The following USP31 variants were observed in gnomAD, a reference collection of about 807,000 sequenced individuals.
USP31 encodes ubiquitin specific peptidase 31.
USP31 carries 44 observed loss-of-function variants against 119.4 expected under a neutral mutation model. The observed-to-expected ratio is 0.37, with a 90% CI of 0.29 to 0.47. The LOEUF (loss-of-function observed/expected upper bound fraction) is 0.47. USP31 is among the 20% of genes least tolerant of loss of function. USP31 has a pLI of 0.99. For missense variants in USP31, 1,643 were observed against 1,730.2 expected (o/e 0.95, Z 0.89); for synonymous variants, 749 against 705.6 (o/e 1.06, Z -0.97).
rs754161130 is a variant in USP31, at chr16:23,084,924, C to A, written c.1766G>T (p.Arg589Leu). Residue 589 changes from arginine (R) to leucine (L), a missense_variant, in exon 11 of 16, where the codon CGT becomes CTT. By Grantham distance (102) the Arg-to-Leu change is moderately radical. Transcript: ENST00000219689. ...AGTGCAGGTTTGAGGCTGATGATGA[C>A]GCTCCCTTTGCAGACGAACACTTTC... Reference protein sequence around the residue: ...DAESVRLQRERHHQPQTCTLS... With the variant: ...DAESVRLQRELHHQPQTCTLS... 3 of 1,614,074 alleles carry A rather than the reference C, an allele frequency of 1.9e-6. No individual in the cohort carries two copies. The East Asian group carries it at 6.7e-5, about 36-fold the overall frequency.
intron 9 of USP31, among the ~76,000 whole-genome samples, chr16:23,086,377 A>G (rs939878057): frequency 1.1e-4 from 17 of 151,902 alleles, no homozygotes; most frequent in African/African-American, 3.9e-4. Flanking sequence ...TTTCACATGT[A>G]TATTATATAT....
chr16:23,133,480 C>T (rs1392592524), intron 1 of USP31, among the ~76,000 whole-genome samples: 4 of 152,058 alleles, frequency 2.6e-5, no homozygotes, highest in African/African-American at 4.8e-5. Context: ...TTTAGGAAAC[C>T]GAATCATTTT....
At chr16:23,096,861 T>G (rs868375469) in intron 6 of USP31, among the ~76,000 whole-genome samples, 1 of 152,212 alleles carries the variant, frequency 6.6e-6, no homozygotes, top group Non-Finnish European at 1.5e-5. Context: ...AGGAAATTTA[T>G]AGCACCAAAT....
At chr16:23,094,153 CTT>C (rs1351397463) in intron 6 of USP31, among the ~76,000 whole-genome samples, 1 of 152,152 alleles carries the variant, frequency 6.6e-6, no homozygotes, top group African/African-American at 2.4e-5. Context: ...AAATACTGTG[CTT>C]TTCCCAAGGT....
intron 14 of USP31, chr16:23,072,470 G>A (rs1420523885): frequency 2.0e-5 from 12 of 596,570 alleles, no homozygotes; most frequent in Non-Finnish European, 3.3e-5. Flanking sequence ...GTAAGTCTGA[G>A]TCTAAAGAAT....
chr16:23,100,374 G>C (rs972788935), intron 6 of USP31, among the ~76,000 whole-genome samples: 3 of 152,200 alleles, frequency 2.0e-5, no homozygotes, highest in African/African-American at 7.2e-5. Flanking sequence ...CAACATGAAT[G>C]AATCTTGAAA....
chr16:23,087,295 A>G, intron 8 of USP31, 109 bp from the exon 9 acceptor site: 2 of 895,718 alleles, frequency 2.2e-6, no homozygotes, highest in Non-Finnish European at 3.5e-6. Flanking sequence ...TTTATTCTGC[A>G]AAATGCTTCA....
chr16:23,121,244 G>C (rs1020639163), intron 1 of USP31, among the ~76,000 whole-genome samples: 1 of 152,142 alleles, frequency 6.6e-6, no homozygotes, highest in Non-Finnish European at 1.5e-5. Flanking sequence ...TCACAGACCT[G>C]CTGTGGCACT....
At chr16:23,073,940 C>A in intron 13 of USP31, 60 bp from the exon 14 acceptor site, 1 of 1,607,818 alleles carries the variant, frequency 6.2e-7, no homozygotes, top group Non-Finnish European at 8.5e-7. Context: ...TTCATGCGAC[C>A]CACAGACACC....
Position 23,084,974 on chromosome 16 carries a change from A to C in USP31, c.1716T>G (p.Thr572=). Residue 572 remains threonine, a synonymous_variant, in exon 11 of 16, where the codon ACT becomes ACG. Transcript: ENST00000219689. Reference sequence around the variant, plus strand: ...CTGCATCAGGAATATACTCATCCTCAGTATTTACAAATAAGCTGCAATTAG... The same window carrying C: ...CTGCATCAGGAATATACTCATCCTCCGTATTTACAAATAAGCTGCAATTAG... ...KETRDFLFVN[T]EDEYIPDAES... is the part of the protein sequence containing the mutation. 1 of 1,614,074 alleles carries C rather than the reference A, an allele frequency of 6.2e-7. No homozygotes were observed. The highest frequency in any genetic ancestry group is 1.1e-5 in the South Asian group (1 of 91,060).
In USP31 at chr16:23,102,408, T is replaced by C; in HGVS notation, c.1145A>G (p.Asp382Gly). 6.2e-7 allele frequency: 1 copy of C among 1,613,922 alleles called. No individual in the cohort carries two copies. The highest frequency in any genetic ancestry group is 1.1e-5 in the South Asian group (1 of 91,050). Reference protein sequence around the residue: ...DGFHRSFCDTDDLETVHESDC... With the variant: ...DGFHRSFCDTGDLETVHESDC... ...GCTTTCATGGACTGTTTCCAGGTCG[T>C]CTGTATCACAAAAGGAACGATGGAA... Residue 382 changes from aspartate (D) to glycine (G), a missense_variant, in exon 6 of 16, where the codon GAC becomes GGC. Physicochemically the swap from Asp to Gly is moderately conservative, Grantham distance 94 (BLOSUM62 -1). Around this residue, in one of 5 missense-constraint regions of USP31, gnomAD observed 219 missense variants for 226.4 expected, o/e 0.97. Transcript: ENST00000219689.
At chr16:23,117,751 C>CTTTTTT (rs67615111) in intron 1 of USP31, among the ~76,000 whole-genome samples, 51 of 141,604 alleles carry the variant, frequency 3.6e-4, no homozygotes, top group Admixed American at 1.0e-3. Context: ...TTTTCCTTTT[C>CTTTTTT]TTTTTTTTTT....
At chr16:23,073,332 T>G (rs1204010030) in intron 14 of USP31, among the ~76,000 whole-genome samples, 2 of 152,194 alleles carry the variant, frequency 1.3e-5, no homozygotes, top group African/African-American at 2.4e-5. Flanking sequence ...GATGACCCCA[T>G]GAGGTAGGCA....
At chr16:23,080,801 C>A (rs1388038003) in intron 12 of USP31, among the ~76,000 whole-genome samples, 13 of 152,112 alleles carry the variant, frequency 8.5e-5, no homozygotes, top group Admixed American at 8.5e-4. Context: ...TAGATATGTC[C>A]ACCCTAAGGA....
At chr16:23,119,940 T>C (rs1902613455) in intron 1 of USP31, among the ~76,000 whole-genome samples, 1 of 152,156 alleles carries the variant, frequency 6.6e-6, no homozygotes, top group Non-Finnish European at 1.5e-5. Context: ...CTGGTGGAGA[T>C]TAATTCCACC....
intron 6 of USP31, among the ~76,000 whole-genome samples, chr16:23,100,638 T>C (rs2141865772): frequency 6.6e-6 from 1 of 152,174 alleles, no homozygotes; most frequent in African/African-American, 2.4e-5. Flanking sequence ...CCAGGTGTGG[T>C]GGCATGCGCC....
chr16:23,068,891 G>C lies in USP31; in HGVS notation c.3214C>G (p.Arg1072Gly). 1 of 1,604,280 alleles carries C rather than the reference G, an allele frequency of 6.2e-7. No homozygotes were observed. The highest frequency in any genetic ancestry group is 1.1e-5 in the South Asian group (1 of 89,318). The change falls in exon 16 of 16, where the codon CGC (arginine) becomes GGC (glycine). Residue 1072 changes from arginine to glycine, a missense_variant. By Grantham distance (125) the Arg-to-Gly change is moderately radical. Transcript: ENST00000219689. ...LPVKVSLKPS[R>G]SRSKADSSSR... is the part of the protein sequence containing the mutation. The stretch of plus-strand genomic sequence containing the variant: ...GAAGAATCTGCTTTGCTGCGGGAGC[G>C]GGAGGGCTTTAGAGAGACTTTTACA...
chr16:23,079,136 T>C (rs1000098619), intron 13 of USP31: 1 of 152,180 alleles, frequency 6.6e-6, no homozygotes, highest in Admixed American at 6.5e-5. Flanking sequence ...TAGAGATGGA[T>C]AGTGATAATG....
intron 11 of USP31, 103 bp downstream of exon 11, chr16:23,084,757 C>G: frequency 6.7e-7 from 1 of 1,503,648 alleles, no homozygotes; most frequent in Non-Finnish European, 9.0e-7. Context: ...TATGCAAAAT[C>G]CTGCGGCGAC....
Sources: gnomAD v4.1 joint callset for allele counts (sites outside exome capture counted in the v4.1 genomes callset) on GRCh38, gnomAD v4.1.1 for gene constraint, gnomAD v4.1.1 regional missense constraint, MANE v1.5 for transcripts, NCBI Gene and HGNC (gene_info 2026-07-23, HGNC 2026-07-21) for gene names.